Variants in CHCHD3 observed in about 807,000 individuals in gnomAD.
CHCHD3 encodes the protein MICOS complex subunit MIC19.
Under a neutral mutation model 38.2 loss-of-function variants are expected in CHCHD3, and 20 were observed. The ratio of observed to expected loss-of-function variants is 0.52; its 90% CI spans 0.37 to 0.76. The LOEUF is 0.76. CHCHD3 is among the 30% of genes least tolerant of loss of function. The pLI is 0.00. For missense variants in CHCHD3, 245 were observed against 279.2 expected (o/e 0.88, Z 0.87); for synonymous variants, 82 against 100.0 (o/e 0.82, Z 1.07).
intron 2 of CHCHD3, among the ~76,000 whole-genome samples, chr7:133,068,829 G>C (rs567137568): frequency 2.3e-4 from 35 of 152,336 alleles, no homozygotes; most frequent in East Asian, 5.8e-4. Context: ...TAGTGGGAAA[G>C]ACAGAGAAGA....
At chr7:132,796,598 C>A in intron 6 of CHCHD3, 21 bp from the exon 7 acceptor site, 1 of 1,611,738 alleles carries the variant, frequency 6.2e-7, no homozygotes, top group Non-Finnish European at 8.5e-7. Flanking sequence ...ACACAGGGAC[C>A]GCTGAGACCA....
intron 6 of CHCHD3, among the ~76,000 whole-genome samples, chr7:132,832,242 T>C (rs965501105): frequency 6.6e-6 from 1 of 152,238 alleles, no homozygotes; most frequent in Non-Finnish European, 1.5e-5. Flanking sequence ...TAATACTTTA[T>C]AAGGATAACC....
intron 6 of CHCHD3, among the ~76,000 whole-genome samples, chr7:132,831,200 AT>A (rs1807640158): frequency 6.6e-6 from 1 of 152,204 alleles, no homozygotes; most frequent in African/African-American, 2.4e-5. Flanking sequence ...TAACTCCTGC[AT>A]TAGAGAAGGC....
chr7:132,799,007 C>CTGTGTG (rs58508838), intron 6 of CHCHD3, among the ~76,000 whole-genome samples: 1,833 of 145,552 alleles, frequency 0.013, 12 homozygotes, highest in African/African-American at 0.026. Flanking sequence ...GTGATCTGTT[C>CTGTGTG]TGTGTGTGTG....
intron 4 of CHCHD3, among the ~76,000 whole-genome samples, chr7:132,938,987 AG>A (rs1810698101): frequency 6.6e-6 from 1 of 152,192 alleles, no homozygotes; most frequent in South Asian, 2.1e-4. Flanking sequence ...AAGAAGGTGG[AG>A]GGAAAACAAT....
chr7:132,973,925 C>G, intron 4 of CHCHD3: 1 of 1,269,566 alleles, frequency 7.9e-7, no homozygotes, highest in Non-Finnish European at 1.0e-6. Flanking sequence ...CCAATGAGGA[C>G]TAAAGGTTCC....
intron 5 of CHCHD3, among the ~76,000 whole-genome samples, chr7:132,873,698 T>G (rs1042526828): frequency 1.3e-5 from 2 of 152,114 alleles, no homozygotes; most frequent in African/African-American, 4.8e-5. Flanking sequence ...AACCAGGTTT[T>G]GGGATAATAT....
intron 4 of CHCHD3, among the ~76,000 whole-genome samples, chr7:132,897,800 T>G (rs1247200547): frequency 2.0e-5 from 3 of 152,240 alleles, no homozygotes; most frequent in Non-Finnish European, 4.4e-5. Context: ...GGTTCAGGTC[T>G]TCTGGAATGC....
chr7:132,830,743 A>T (rs971617652), intron 6 of CHCHD3: 2 of 152,212 alleles, frequency 1.3e-5, no homozygotes, highest in African/African-American at 2.4e-5. Context: ...AGGGGACATG[A>T]TATACTATGG....
intron 3 of CHCHD3, among the ~76,000 whole-genome samples, chr7:133,018,194 G>T (rs989688965): frequency 6.6e-6 from 1 of 152,094 alleles, no homozygotes; most frequent in Admixed American, 6.5e-5. Flanking sequence ...GTATATAAAG[G>T]AATATTTTGG....
chr7:132,826,308 T>C (rs1165891567), intron 6 of CHCHD3, among the ~76,000 whole-genome samples: 1 of 152,218 alleles, frequency 6.6e-6, no homozygotes, highest in Non-Finnish European at 1.5e-5. Context: ...TTCTTTGTAA[T>C]TGCAATATCC....
intron 4 of CHCHD3, among the ~76,000 whole-genome samples, chr7:132,903,629 G>C (rs752989023): frequency 6.6e-6 from 1 of 152,160 alleles, no homozygotes; most frequent in Admixed American, 6.5e-5. Context: ...ATTCTCGTTT[G>C]GTCTTGCCTT....
At chr7:132,801,756 T>C (rs2117037119) in intron 6 of CHCHD3, among the ~76,000 whole-genome samples, 1 of 152,358 alleles carries the variant, frequency 6.6e-6, no homozygotes, top group South Asian at 2.1e-4. Context: ...ACAGAGCATA[T>C]AAAATTCTAT....
intron 4 of CHCHD3, chr7:132,886,867 TGATCAA>T (rs1809230391): frequency 3.1e-6 from 2 of 649,706 alleles, no homozygotes; most frequent in Non-Finnish European, 4.4e-6. Context: ...TTTTGCTAAA[TGATCAA>T]GTATTGTCTG....
chr7:133,046,721 C>A (rs951282517), intron 2 of CHCHD3, among the ~76,000 whole-genome samples: 1 of 152,112 alleles, frequency 6.6e-6, no homozygotes, highest in Non-Finnish European at 1.5e-5. Flanking sequence ...CGCCACCACA[C>A]CCGGCTAATT....
chr7:132,824,052 CT>C (rs1353516302), intron 6 of CHCHD3, among the ~76,000 whole-genome samples: 11 of 152,130 alleles, frequency 7.2e-5, no homozygotes, highest in African/African-American at 2.7e-4. Flanking sequence ...GAACTTTGCT[CT>C]CAATCAATAT....
chr7:132,832,981 A>G (rs1263700028), intron 6 of CHCHD3, among the ~76,000 whole-genome samples: 1 of 152,208 alleles, frequency 6.6e-6, no homozygotes, highest in African/African-American at 2.4e-5. Flanking sequence ...TTTGTTTAAA[A>G]ACAAATACAG....
chr7:132,984,019 G>GTCTCCCTCTCCCCAC (rs1562929088), intron 3 of CHCHD3, among the ~76,000 whole-genome samples: 5 of 144,982 alleles, frequency 3.4e-5, no homozygotes, highest in Non-Finnish European at 3.1e-5. Context: ...TCTCCCCACG[G>GTCTCCCTCTCCCCAC]TCTCCCTCTC....
At chr7:132,992,312 C>T (rs1812303747) in intron 3 of CHCHD3, among the ~76,000 whole-genome samples, 1 of 152,232 alleles carries the variant, frequency 6.6e-6, no homozygotes, top group Non-Finnish European at 1.5e-5. Flanking sequence ...TACTGGCACA[C>T]TCTTGAAAAT....
Sources: allele counts gnomAD v4.1 joint callset (sites outside exome capture counted in the v4.1 genomes callset), GRCh38; gene constraint gnomAD v4.1.1; transcripts MANE v1.5; gene names NCBI Gene and HGNC (gene_info 2026-07-23, HGNC 2026-07-21).